The following AKAP6 variants were observed in gnomAD, a reference collection of about 807,000 sequenced individuals.
AKAP6 encodes the protein A-kinase anchoring protein 6.
In AKAP6, 58 loss-of-function variants were observed where a neutral mutation model predicts 188.5. The ratio of observed to expected loss-of-function variants is 0.31; its 90% confidence interval spans 0.25 to 0.38. The LOEUF (loss-of-function observed/expected upper bound fraction) is 0.38, where lower values mean the gene tolerates loss of function less well. Ranked by LOEUF, AKAP6 falls within the 10% of genes least tolerant of loss-of-function variation. The pLI is 1.00. For synonymous variants in AKAP6, 989 were observed against 998.6 expected (o/e 0.99, Z 0.18); for missense variants, 2,710 against 2,740.0 (o/e 0.99, Z 0.24).
chr14:32,480,802 A>G (rs987268114), intron 2 of AKAP6, among the ~76,000 whole-genome samples: 34 of 152,104 alleles, frequency 2.2e-4, no homozygotes, highest in African/African-American at 7.2e-4. Flanking sequence ...CTGCCCACTC[A>G]AGCCTGAAGA....
chr14:32,588,221 A>G (rs1365664011), intron 5 of AKAP6, among the ~76,000 whole-genome samples: 1 of 152,222 alleles, frequency 6.6e-6, no homozygotes, highest in African/African-American at 2.4e-5. Context: ...GGCTTTTTCT[A>G]TCTAAATATG....
chr14:32,505,117 CTAAT>C (rs1324210525), intron 2 of AKAP6, among the ~76,000 whole-genome samples: 1 of 152,148 alleles, frequency 6.6e-6, no homozygotes, highest in Admixed American at 6.6e-5. Flanking sequence ...ACTATAACCT[CTAAT>C]TAATTTTTCC....
At chr14:32,349,596 G>A (rs971684268) in intron 1 of AKAP6, among the ~76,000 whole-genome samples, 2 of 152,110 alleles carry the variant, frequency 1.3e-5, no homozygotes, top group African/African-American at 4.8e-5. Flanking sequence ...TATTACAAAT[G>A]TGCATAAAAA....
chr14:32,674,012 A>G (rs1007491850), intron 7 of AKAP6, among the ~76,000 whole-genome samples: 4 of 152,214 alleles, frequency 2.6e-5, no homozygotes, highest in Admixed American at 2.6e-4. Flanking sequence ...TCTACTTTTG[A>G]TAAGTTAGGC....
At chr14:32,607,649 A>C (rs934279092) in intron 7 of AKAP6, among the ~76,000 whole-genome samples, 2 of 152,214 alleles carry the variant, frequency 1.3e-5, no homozygotes, top group Non-Finnish European at 2.9e-5. Flanking sequence ...ATTTTGGGCT[A>C]TCTGAGATCT....
At chr14:32,598,397 T>A (rs756388579) in intron 5 of AKAP6, among the ~76,000 whole-genome samples, 4 of 152,170 alleles carry the variant, frequency 2.6e-5, no homozygotes, top group Non-Finnish European at 4.4e-5. Context: ...ATAGATTGGT[T>A]ACTGTGATTA....
intron 4 of AKAP6, among the ~76,000 whole-genome samples, chr14:32,547,377 G>C (rs1883247918): frequency 6.6e-6 from 1 of 152,186 alleles, no homozygotes; most frequent in South Asian, 2.1e-4. Context: ...AGTTACCCCA[G>C]AGTGTTTTTA....
intron 7 of AKAP6, among the ~76,000 whole-genome samples, chr14:32,666,498 G>GA (rs1417309846): frequency 6.6e-6 from 1 of 151,878 alleles, no homozygotes; most frequent in African/African-American, 2.4e-5. Context: ...TCACAAAAAT[G>GA]AAAAATGTAA....
chr14:32,791,949 C>T (rs1171866843), intron 12 of AKAP6, among the ~76,000 whole-genome samples: 1 of 152,160 alleles, frequency 6.6e-6, no homozygotes, highest in Non-Finnish European at 1.5e-5. Flanking sequence ...GGTGTTATTT[C>T]TGAGGCCTCT....
chr14:32,602,420 A>G (rs928894967), intron 7 of AKAP6, among the ~76,000 whole-genome samples: 11 of 152,154 alleles, frequency 7.2e-5, no homozygotes, highest in African/African-American at 2.2e-4. Context: ...GCTTCAGCCC[A>G]GGAGTTTGAG....
rs71432053 is a variant in AKAP6, at chr14:32,420,909, T to TTGTGTGTGTGTGTGTGTG, written c.-34-12541_-34-12524dup. Among the ~76,000 whole-genome samples, 1,456 of 146,470 alleles carry TTGTGTGTGTGTGTGTGTG rather than the reference T, an allele frequency of 9.9e-3. 9 individuals are homozygous for TTGTGTGTGTGTGTGTGTG. The highest frequency in any genetic ancestry group is 0.02 in the African/African-American group (806 of 39,754). ...TAAGAAAAGTGTGCAGGAGATTGATTTGTGTGTGTGTGTGTGTGTGTGTGT... is the reference window on the plus strand; with the variant it reads ...TAAGAAAAGTGTGCAGGAGATTGATTTGTGTGTGTGTGTGTGTGTGTGTGTGTGTGTGTGTGTGTGTGT... On this transcript the variant is annotated intron_variant, in intron 1 of 13. Coordinates refer to ENST00000280979, the MANE Select transcript of AKAP6 (RefSeq NM_004274.5).
intron 2 of AKAP6, among the ~76,000 whole-genome samples, chr14:32,444,697 A>G (rs1404992653): frequency 1.3e-5 from 2 of 152,130 alleles, no homozygotes; most frequent in East Asian, 1.9e-4. Context: ...TGAGTTCAGA[A>G]GTCTGACAAA....
intron 7 of AKAP6, among the ~76,000 whole-genome samples, chr14:32,643,101 A>G (rs1323005426): frequency 6.6e-6 from 1 of 152,200 alleles, no homozygotes; most frequent in Non-Finnish European, 1.5e-5. Flanking sequence ...AGTAAGATTA[A>G]TGCTCTGAAT....
intron 5 of AKAP6, among the ~76,000 whole-genome samples, chr14:32,592,446 C>A (rs6571539): frequency 0.039 from 5,921 of 152,108 alleles, 356 homozygotes; most frequent in African/African-American, 0.13. Context: ...TAAAGGATGC[C>A]CAGGGCTTTT....
intron 4 of AKAP6, among the ~76,000 whole-genome samples, chr14:32,574,872 G>A (rs1884651137): frequency 1.3e-5 from 2 of 152,182 alleles, no homozygotes; most frequent in African/African-American, 4.8e-5. Context: ...GTCAGCAAAG[G>A]GTCTCTTAAG....
intron 9 of AKAP6, among the ~76,000 whole-genome samples, chr14:32,697,244 T>G (rs564580245): frequency 1.3e-5 from 2 of 152,084 alleles, no homozygotes; most frequent in Non-Finnish European, 2.9e-5. Context: ...TAGTGTCCCC[T>G]AGGAATCATC....
intron 5 of AKAP6, among the ~76,000 whole-genome samples, chr14:32,595,213 C>T (rs935985562): frequency 3.2e-4 from 48 of 152,154 alleles, no homozygotes; most frequent in African/African-American, 9.9e-4. Context: ...CACAGATTTG[C>T]ACCAGCCACT....
intron 11 of AKAP6, among the ~76,000 whole-genome samples, chr14:32,766,875 C>A (rs2032735071): frequency 6.6e-6 from 1 of 152,232 alleles, no homozygotes; most frequent in East Asian, 1.9e-4. Context: ...TCTACAAAAT[C>A]ATTGTCTAAC....
intron 3 of AKAP6, among the ~76,000 whole-genome samples, chr14:32,541,193 G>A (rs1219823561): frequency 2.0e-5 from 3 of 152,268 alleles, no homozygotes; most frequent in African/African-American, 7.2e-5. Flanking sequence ...GACAGGATGG[G>A]AGAGAGCTTC....
Sources: allele counts gnomAD v4.1 joint callset (sites outside exome capture counted in the v4.1 genomes callset), GRCh38; gene constraint gnomAD v4.1.1; transcripts MANE v1.5; gene names NCBI Gene and HGNC (gene_info 2026-07-23, HGNC 2026-07-21).